Variants in PAN3 observed in about 807,000 individuals in gnomAD.
PAN3 encodes the protein poly(A) specific ribonuclease subunit PAN3, also known as PAN2-PAN3 deadenylation complex subunit PAN3.
Under a neutral mutation model 96.2 loss-of-function variants are expected in PAN3, and 19 were observed. The observed-to-expected ratio is 0.20, with a 90% confidence interval of 0.14 to 0.29. The LOEUF (loss-of-function observed/expected upper bound fraction) is 0.29, where lower values mean the gene tolerates loss of function less well. Ranked by LOEUF, PAN3 falls within the 10% of genes least tolerant of loss-of-function variation. PAN3 has a pLI of 1.00. For synonymous variants in PAN3, 433 were observed against 406.6 expected (o/e 1.06, Z -0.78); for missense variants, 882 against 1,108.1 (o/e 0.80, Z 2.90).
At chr13:28,282,171 A>G (rs549495497) in intron 17 of PAN3, among the ~76,000 whole-genome samples, 1 of 152,306 alleles carries the variant, frequency 6.6e-6, no homozygotes, top group South Asian at 2.1e-4. Context: ...TTGTAAGTTA[A>G]TGTTAACCAT....
At chr13:28,180,914 C>G (rs576648718) in intron 4 of PAN3, among the ~76,000 whole-genome samples, 77 of 151,922 alleles carry the variant, frequency 5.1e-4, no homozygotes, top group Non-Finnish European at 9.4e-4. Flanking sequence ...TACAAGGGAA[C>G]ATTTACTCAG....
intron 1 of PAN3, among the ~76,000 whole-genome samples, chr13:28,164,221 G>T (rs1429892987): frequency 6.6e-6 from 1 of 152,034 alleles, no homozygotes; most frequent in Non-Finnish European, 1.5e-5. Context: ...TTAAGATATT[G>T]TTTTTCATAA....
chr13:28,288,858 T>TCTCG (rs1555295707), intron 18 of PAN3, among the ~76,000 whole-genome samples: 23,675 of 138,050 alleles, frequency 0.17, 3,302 homozygotes, highest in African/African-American at 0.35. Context: ...TGAGACGGAG[T>TCTCG]CTCTGTCACC....
At chr13:28,147,469 A>T (rs1223051709) in intron 1 of PAN3, among the ~76,000 whole-genome samples, 6 of 152,220 alleles carry the variant, frequency 3.9e-5, no homozygotes, top group Admixed American at 3.9e-4. Context: ...CGTTTAATTC[A>T]CCTAACCCAT....
intron 14 of PAN3, among the ~76,000 whole-genome samples, chr13:28,276,645 T>C (rs1887083403): frequency 6.6e-6 from 1 of 152,170 alleles, no homozygotes; most frequent in Non-Finnish European, 1.5e-5. Flanking sequence ...CAAAGATAGA[T>C]GGGATGTCAT....
intron 6 of PAN3, among the ~76,000 whole-genome samples, chr13:28,253,598 CTTT>C (rs961588017): frequency 1.4e-5 from 2 of 143,002 alleles, no homozygotes; most frequent in African/African-American, 5.1e-5. Flanking sequence ...CTTTGCTTTC[CTTT>C]TTTTTTTTTT....
chr13:28,152,850 T>C (rs1196898570), intron 1 of PAN3, among the ~76,000 whole-genome samples: 2 of 152,210 alleles, frequency 1.3e-5, no homozygotes, highest in Non-Finnish European at 2.9e-5. Flanking sequence ...CATTCACTTA[T>C]TTATGTTTTA....
chr13:28,146,697 G>A (rs1294526809), intron 1 of PAN3, among the ~76,000 whole-genome samples: 1 of 152,158 alleles, frequency 6.6e-6, no homozygotes, highest in Non-Finnish European at 1.5e-5. Flanking sequence ...ATTTAAACAG[G>A]CCAGGCGCAG....
intron 1 of PAN3, among the ~76,000 whole-genome samples, chr13:28,139,861 A>T (rs1437466323): frequency 1.3e-5 from 2 of 152,116 alleles, no homozygotes; most frequent in Non-Finnish European, 2.9e-5. Context: ...AATGCATGTC[A>T]TGTGCAGCCT....
intron 1 of PAN3, among the ~76,000 whole-genome samples, chr13:28,140,314 G>T (rs553576185): frequency 1.6e-4 from 25 of 152,132 alleles, no homozygotes; most frequent in African/African-American, 5.6e-4. Flanking sequence ...GAATAGAGCC[G>T]GTGCCAGATG....
intron 4 of PAN3, among the ~76,000 whole-genome samples, chr13:28,180,638 T>G (rs1193537972): frequency 6.6e-6 from 1 of 152,214 alleles, no homozygotes; most frequent in Non-Finnish European, 1.5e-5. Flanking sequence ...TGTTTTACAG[T>G]GATATAGGAG....
At position 28,287,149 on chromosome 13, in the gene PAN3, G is replaced by A. The variant is rs564437503; in HGVS notation, c.2385-835G>A. 3.9e-5 allele frequency among the ~76,000 whole-genome samples: 6 copies of A among 152,258 alleles called. No homozygotes were observed. In the South Asian group the frequency reaches 1.2e-3, roughly 32 times the overall value. On this transcript the variant is annotated intron_variant, in intron 17 of 18. Transcript: ENST00000380958. ...GCAAATACCGATCTCTGACGAAGGA[G>A]CATCCTTCTTCTGGGAAGAGCAGCC... is the stretch of plus-strand genomic sequence containing the variant.
intron 7 of PAN3, among the ~76,000 whole-genome samples, chr13:28,258,609 A>T (rs191926001): frequency 6.6e-6 from 1 of 152,312 alleles, no homozygotes; most frequent in Admixed American, 6.5e-5. Context: ...GAAAGGGGAA[A>T]TTCTTTGGGC....
At chr13:28,192,126 G>A (rs1416996614) in intron 4 of PAN3, among the ~76,000 whole-genome samples, 1 of 148,378 alleles carries the variant, frequency 6.7e-6, no homozygotes, top group African/African-American at 2.5e-5. Context: ...GCTCACTGCA[G>A]CGGCACCATC....
intron 18 of PAN3, among the ~76,000 whole-genome samples, chr13:28,289,109 AG>A (rs1170127210): frequency 6.6e-6 from 1 of 152,190 alleles, no homozygotes; most frequent in Admixed American, 6.5e-5. Context: ...TACAGGCATG[AG>A]CCACCGCACC....
chr13:28,251,875 G>GGTTT (rs3029488), intron 6 of PAN3, among the ~76,000 whole-genome samples: 97,236 of 150,230 alleles, frequency 0.65, 33,518 homozygotes, highest in South Asian at 0.78. Flanking sequence ...TCTTGGGGTT[G>GGTTT]GTTTGTTTGT....
intron 6 of PAN3, among the ~76,000 whole-genome samples, chr13:28,235,072 T>A (rs1848873979): frequency 6.6e-6 from 1 of 152,182 alleles, no homozygotes. Context: ...ACCTATAATC[T>A]CACCTGTCAT....
At chr13:28,223,488 C>T (rs1423783526) in intron 6 of PAN3, among the ~76,000 whole-genome samples, 3 of 151,896 alleles carry the variant, frequency 2.0e-5, no homozygotes, top group Non-Finnish European at 4.4e-5. Flanking sequence ...ACATTTTTCT[C>T]TGGCAACAGC....
chr13:28,262,105 A>G (rs1267868854), intron 9 of PAN3, among the ~76,000 whole-genome samples: 16 of 152,138 alleles, frequency 1.1e-4, no homozygotes, highest in Admixed American at 9.8e-4. Flanking sequence ...TACATGTCTT[A>G]CTTTATTTCT....
Sources: allele counts gnomAD v4.1 joint callset (sites outside exome capture counted in the v4.1 genomes callset), GRCh38; gene constraint gnomAD v4.1.1; transcripts MANE v1.5; gene names NCBI Gene and HGNC (gene_info 2026-07-23, HGNC 2026-07-21).